CLSTN2: variants seen among roughly 807,000 people sequenced by gnomAD.
The protein encoded by CLSTN2 is calsyntenin-2.
A neutral mutation model predicts 101.2 loss-of-function variants in CLSTN2; 48 were observed. The ratio of observed to expected loss-of-function variants is 0.47; its 90% CI spans 0.38 to 0.60. CLSTN2 has a LOEUF of 0.60. CLSTN2 is among the 20% of genes least tolerant of loss of function. The pLI, the probability that CLSTN2 is intolerant of heterozygous loss-of-function variation, is 0.00. For synonymous variants in CLSTN2, 481 were observed against 463.6 expected (o/e 1.04, Z -0.48); for missense variants, 1,160 against 1,238.2 (o/e 0.94, Z 0.95).
chr3:140,008,934 C>G (rs927022296), intron 1 of CLSTN2, among the ~76,000 whole-genome samples: 3 of 152,172 alleles, frequency 2.0e-5, no homozygotes, highest in Non-Finnish European at 4.4e-5. Flanking sequence ...CAGACTTTCT[C>G]AAATATTTAG....
At chr3:140,137,238 TG>T (rs778421439) in intron 1 of CLSTN2, among the ~76,000 whole-genome samples, 1 of 152,226 alleles carries the variant, frequency 6.6e-6, no homozygotes. Context: ...TCGCTGAAGC[TG>T]GGGGCTGGGG....
intron 8 of CLSTN2, among the ~76,000 whole-genome samples, chr3:140,526,086 G>A (rs867512544): frequency 1.2e-4 from 19 of 152,144 alleles, no homozygotes; most frequent in African/African-American, 4.6e-4. Flanking sequence ...GAGCAATTAG[G>A]CAAGAGAAAG....
chr3:140,019,928 C>T (rs948929067), intron 1 of CLSTN2, among the ~76,000 whole-genome samples: 1 of 152,084 alleles, frequency 6.6e-6, no homozygotes. Context: ...GGCAATAGGT[C>T]GGGGAAGGTG....
intron 2 of CLSTN2, among the ~76,000 whole-genome samples, chr3:140,315,968 G>A (rs924720424): frequency 6.6e-6 from 1 of 152,166 alleles, no homozygotes; most frequent in Non-Finnish European, 1.5e-5. Flanking sequence ...AGTGGAAGGA[G>A]AAGCAGTCAG....
chr3:140,542,981 G>A (rs184310037), intron 9 of CLSTN2, among the ~76,000 whole-genome samples: 38 of 152,298 alleles, frequency 2.5e-4, no homozygotes, highest in Admixed American at 2.4e-3. Context: ...TTCTACCGGT[G>A]TGGCTTTTGG....
chr3:140,175,970 G>T lies in CLSTN2; in HGVS notation c.129G>T (p.Trp43Cys). ...TTCTAGTCAATAAGCACAAGCCATG[G>T]ATCGAGACTTCATATCATGGAGTCA... ...LAAKVNKHKP[W>C]IETSYHGVIT... The change falls in exon 2 of 17, where the codon TGG becomes TGT. Residue 43 changes from tryptophan to cysteine, a missense_variant. Physicochemically the swap from Trp to Cys is radical, Grantham distance 215 (BLOSUM62 -2). Transcript: ENST00000458420. 1 of 1,613,388 alleles carries T rather than the reference G, an allele frequency of 6.2e-7. No individual in the cohort carries two copies. Among genetic ancestry groups the T allele is most frequent in the East Asian group, 2.2e-5 (1 of 44,862 alleles).
At chr3:140,395,125 C>G (rs2088166031) in intron 2 of CLSTN2, among the ~76,000 whole-genome samples, 1 of 152,122 alleles carries the variant, frequency 6.6e-6, no homozygotes, top group Admixed American at 6.5e-5. Context: ...TGTTAATCTT[C>G]CAAAAGAGGG....
chr3:140,290,441 G>A (rs768296797), intron 2 of CLSTN2, among the ~76,000 whole-genome samples: 60 of 152,262 alleles, frequency 3.9e-4, no homozygotes, highest in Non-Finnish European at 7.1e-4. Context: ...GACTTTGGAA[G>A]ACCAATGCAT....
At position 140,310,068 on chromosome 3, in the gene CLSTN2, C is replaced by T. The variant is rs572303980; in HGVS notation, c.233-93561C>T. On this transcript the variant is annotated intron_variant, in intron 2 of 16. Transcript: ENST00000458420. The stretch of plus-strand genomic sequence containing the variant: ...CCTTCTCTGGTTTCCCTTTCCTGCT[C>T]TTCCTCCTCCATCTCCTCCTTTTAA... 1.3e-3 allele frequency among the ~76,000 whole-genome samples: 196 copies of T among 152,144 alleles called. 1 individual carries two copies. Among genetic ancestry groups the T allele is most frequent in the Admixed American group, 3.5e-3 (53 of 15,274 alleles).
intron 8 of CLSTN2, among the ~76,000 whole-genome samples, chr3:140,524,706 C>T (rs1483829495): frequency 6.6e-6 from 1 of 152,102 alleles, no homozygotes; most frequent in Admixed American, 6.6e-5. Flanking sequence ...AAGCAAGTCT[C>T]AATAATATAA....
At chr3:140,282,008 A>G (rs1176965976) in intron 2 of CLSTN2, among the ~76,000 whole-genome samples, 1 of 152,180 alleles carries the variant, frequency 6.6e-6, no homozygotes, top group Non-Finnish European at 1.5e-5. Flanking sequence ...TATTTGGGGC[A>G]CTAGACATAC....
intron 1 of CLSTN2, among the ~76,000 whole-genome samples, chr3:140,118,668 T>A (rs189024986): frequency 5.6e-4 from 86 of 152,216 alleles, no homozygotes; most frequent in African/African-American, 1.9e-3. Flanking sequence ...GGAGTTTGCA[T>A]TGGATAGGTG....
At chr3:140,072,701 A>C (rs1408552737) in intron 1 of CLSTN2, among the ~76,000 whole-genome samples, 1 of 152,368 alleles carries the variant, frequency 6.6e-6, no homozygotes, top group Admixed American at 6.5e-5. Flanking sequence ...CTCCAAAGCC[A>C]GTTTTAATGA....
intron 1 of CLSTN2, among the ~76,000 whole-genome samples, chr3:139,977,311 G>A (rs980965499): frequency 2.0e-5 from 3 of 152,064 alleles, no homozygotes; most frequent in African/African-American, 7.2e-5. Context: ...ACAGAAGGAG[G>A]GAAGGAGAGG....
At chr3:140,038,158 C>A (rs982710765) in intron 1 of CLSTN2, among the ~76,000 whole-genome samples, 1 of 152,178 alleles carries the variant, frequency 6.6e-6, no homozygotes, top group African/African-American at 2.4e-5. Flanking sequence ...TTTACACTCC[C>A]ACCAACAGTG....
chr3:140,173,207 A>C (rs529061367), intron 1 of CLSTN2, among the ~76,000 whole-genome samples: 1 of 152,324 alleles, frequency 6.6e-6, no homozygotes, highest in Non-Finnish European at 1.5e-5. Context: ...AATGGGAGAA[A>C]TTGGCCAAAA....
intron 2 of CLSTN2, among the ~76,000 whole-genome samples, chr3:140,362,897 C>T (rs2107951141): frequency 6.6e-6 from 1 of 152,112 alleles, no homozygotes; most frequent in Middle Eastern, 3.4e-3. Flanking sequence ...TAAAATCATG[C>T]CACCACTTTA....
At chr3:139,948,913 C>T (rs1374061314) in intron 1 of CLSTN2, among the ~76,000 whole-genome samples, 4 of 152,214 alleles carry the variant, frequency 2.6e-5, no homozygotes, top group Non-Finnish European at 2.9e-5. Context: ...GCACCTAGCC[C>T]AGTGTTGGAG....
At chr3:139,982,653 T>C (rs4683465) in intron 1 of CLSTN2, among the ~76,000 whole-genome samples, 51,081 of 152,124 alleles carry the variant, frequency 0.34, 8,721 homozygotes, top group Admixed American at 0.42. Flanking sequence ...GTAGTTTCAC[T>C]GTGTTGCTGC....
Sources: allele counts gnomAD v4.1 joint callset (sites outside exome capture counted in the v4.1 genomes callset), GRCh38; gene constraint gnomAD v4.1.1; transcripts MANE v1.5; gene names NCBI Gene and HGNC (gene_info 2026-07-23, HGNC 2026-07-21).